The following ADK variants were observed in gnomAD, a reference collection of about 807,000 sequenced individuals.
ADK encodes the protein adenosine kinase.
Under a neutral mutation model 44.7 loss-of-function variants are expected in ADK, and 24 were observed. That is an observed-to-expected ratio of 0.54 (90% CI 0.39 to 0.76). The LOEUF is 0.76. Among genes scored for constraint, ADK ranks in the 30% least tolerant of loss-of-function variants. ADK has a pLI of 0.00. For missense variants in ADK, 321 were observed against 425.1 expected, an observed-to-expected ratio of 0.76 and a Z score of 2.15; for synonymous variants, 128 against 142.6, an observed-to-expected ratio of 0.90 and a Z score of 0.73.
At chr10:74,251,163 G>A (rs551259942) in intron 3 of ADK, among the ~76,000 whole-genome samples, 5 of 152,314 alleles carry the variant, frequency 3.3e-5, no homozygotes, top group African/African-American at 1.2e-4. Context: ...ACTTCAAAAG[G>A]AAAAGCAATA....
chr10:74,304,396 A>T (rs770374334), intron 3 of ADK, among the ~76,000 whole-genome samples: 2 of 152,190 alleles, frequency 1.3e-5, no homozygotes, highest in Non-Finnish European at 2.9e-5. Context: ...AGTGCATTAT[A>T]CACGCACACA....
intron 3 of ADK, among the ~76,000 whole-genome samples, chr10:74,232,864 T>TCCAC (rs1222964843): frequency 6.6e-6 from 1 of 152,114 alleles, no homozygotes; most frequent in African/African-American, 2.4e-5. Flanking sequence ...GACCTCGTGA[T>TCCAC]CCACCCGCCT....
intron 9 of ADK, among the ~76,000 whole-genome samples, chr10:74,665,563 T>C (rs1854915310): frequency 6.6e-6 from 1 of 151,880 alleles, no homozygotes. Context: ...CAAGACCCTG[T>C]CTCTACAAAA....
intron 7 of ADK, among the ~76,000 whole-genome samples, chr10:74,575,015 G>A (rs1196286767): frequency 6.6e-6 from 1 of 152,120 alleles, no homozygotes; most frequent in Non-Finnish European, 1.5e-5. Context: ...AAATTATAAT[G>A]CAACATAAGA....
intron 9 of ADK, among the ~76,000 whole-genome samples, chr10:74,606,950 C>T (rs1303899861): frequency 2.0e-5 from 3 of 152,096 alleles, no homozygotes; most frequent in Non-Finnish European, 4.4e-5. Context: ...ATAGTTAGCT[C>T]TTCTTGTTGA....
At chr10:74,522,859 C>T (rs1848892310) in intron 6 of ADK, among the ~76,000 whole-genome samples, 1 of 152,110 alleles carries the variant, frequency 6.6e-6, no homozygotes. Context: ...CTCTCCCTTG[C>T]CTCTTCATTC....
chr10:74,438,576 C>T (rs1845273347), intron 6 of ADK, among the ~76,000 whole-genome samples: 1 of 152,014 alleles, frequency 6.6e-6, no homozygotes, highest in Non-Finnish European at 1.5e-5. Flanking sequence ...AGCATAGTGC[C>T]TGGTATTTAT....
chr10:74,293,189 A>T (rs976361411), intron 3 of ADK, among the ~76,000 whole-genome samples: 28 of 135,290 alleles, frequency 2.1e-4, no homozygotes, highest in Admixed American at 4.6e-4. Context: ...AAAAAAAAAA[A>T]AAAAGGAAAT....
rs996896698 is a variant in ADK, at chr10:74,598,302, G to C, written c.763-2077G>C. On this transcript the variant is annotated intron_variant, in intron 8 of 10. Coordinates refer to ENST00000539909, the MANE Select transcript of ADK (RefSeq NM_006721.4). ...AAGAATTATGTTTTGTACTTGGAAA[G>C]TTTATTTTGTCCTTTAATTGCCATT... 7.5e-5 allele frequency among the ~76,000 whole-genome samples: 11 copies of C among 146,248 alleles called. No individual in the cohort carries two copies. The Admixed American group carries it at 7.6e-4, about 10-fold the overall frequency.
At chr10:74,298,959 C>T (rs949888225) in intron 3 of ADK, among the ~76,000 whole-genome samples, 3 of 151,900 alleles carry the variant, frequency 2.0e-5, no homozygotes, top group Admixed American at 6.6e-5. Context: ...GGTGTAACAT[C>T]GGTAGTCAGT....
intron 7 of ADK, among the ~76,000 whole-genome samples, chr10:74,548,107 A>T (rs77648255): frequency 7.6e-4 from 116 of 152,276 alleles, no homozygotes; most frequent in African/African-American, 2.6e-3. Context: ...ATATATTTTC[A>T]ACATTTTCCA....
At chr10:74,690,289 G>T (rs1422935782) in intron 10 of ADK, among the ~76,000 whole-genome samples, 1 of 152,220 alleles carries the variant, frequency 6.6e-6, no homozygotes, top group African/African-American at 2.4e-5. Flanking sequence ...GAACTCAGGA[G>T]TTTGTTACCA....
At chr10:74,366,445 T>C (rs1842501746) in intron 4 of ADK, among the ~76,000 whole-genome samples, 1 of 152,198 alleles carries the variant, frequency 6.6e-6, no homozygotes, top group Non-Finnish European at 1.5e-5. Flanking sequence ...AAAAAATATT[T>C]TTTGCTTTCT....
intron 3 of ADK, among the ~76,000 whole-genome samples, chr10:74,266,336 A>G (rs746516692): frequency 2.6e-4 from 39 of 152,162 alleles, no homozygotes; most frequent in Non-Finnish European, 5.3e-4. Context: ...AGGTGGGTGG[A>G]TCACGAGGTC....
intron 9 of ADK, among the ~76,000 whole-genome samples, chr10:74,648,096 A>G (rs1241881130): frequency 6.6e-6 from 1 of 152,040 alleles, no homozygotes; most frequent in Non-Finnish European, 1.5e-5. Flanking sequence ...ATGTATATAT[A>G]TATACACATA....
At chr10:74,415,132 T>C (rs1011441141) in intron 6 of ADK, among the ~76,000 whole-genome samples, 2 of 152,202 alleles carry the variant, frequency 1.3e-5, no homozygotes, top group African/African-American at 4.8e-5. Context: ...TTATGTGAGA[T>C]TGGAAACCAC....
chr10:74,461,834 G>C (rs1846181288), intron 6 of ADK, among the ~76,000 whole-genome samples: 1 of 151,964 alleles, frequency 6.6e-6, no homozygotes, highest in African/African-American at 2.4e-5. Flanking sequence ...CTAGAGTTTT[G>C]TTATACAATA....
At chr10:74,419,319 AT>A (rs549239012) in intron 6 of ADK, among the ~76,000 whole-genome samples, 91 of 152,064 alleles carry the variant, frequency 6.0e-4, no homozygotes, top group African/African-American at 2.1e-3. Context: ...TCTTTGAAGT[AT>A]TTCCCCCCCC....
intron 9 of ADK, among the ~76,000 whole-genome samples, chr10:74,632,933 CT>C (rs1019018133): frequency 6.6e-6 from 1 of 151,616 alleles, no homozygotes; most frequent in African/African-American, 2.4e-5. Flanking sequence ...TTGTTTTTTC[CT>C]TTTTTCAGTT....
Sources: allele counts gnomAD v4.1 joint callset (sites outside exome capture counted in the v4.1 genomes callset), GRCh38; gene constraint gnomAD v4.1.1; transcripts MANE v1.5; gene names NCBI Gene and HGNC (gene_info 2026-07-23, HGNC 2026-07-21).